HS6ST3: variants seen among roughly 807,000 people sequenced by gnomAD.
HS6ST3 encodes heparan sulfate 6-O-sulfotransferase 3, also known as heparan-sulfate 6-O-sulfotransferase 3.
In HS6ST3, 12 loss-of-function variants were observed where a neutral mutation model predicts 36.7. The ratio of observed to expected loss-of-function variants is 0.33; its 90% CI spans 0.21 to 0.53. The LOEUF is 0.53. HS6ST3 is among the 20% of genes least tolerant of loss of function. The pLI, the probability that HS6ST3 is intolerant of heterozygous loss-of-function variation, is 0.95. For synonymous variants in HS6ST3, 240 were observed against 257.5 expected, an observed-to-expected ratio of 0.93 and a Z score of 0.65; for missense variants, 584 against 640.9, an observed-to-expected ratio of 0.91 and a Z score of 0.96.
At chr13:96,342,583 G>C (rs948580274) in intron 1 of HS6ST3, among the ~76,000 whole-genome samples, 4 of 152,166 alleles carry the variant, frequency 2.6e-5, no homozygotes, top group African/African-American at 9.7e-5. Context: ...ATATTTTGAA[G>C]AATAGCTTCT....
chr13:96,090,329 G>A lies in HS6ST3; in HGVS notation c.-534G>A, dbSNP rs181704452. ...ACAGCCCCGCGACCTGCCGGCAAAG[G>A]CGCCGGGCGCGCGTGCCGGGCGCGG... On this transcript the variant is annotated 5_prime_UTR_variant, in exon 1 of 2. Transcript: ENST00000376705. Among the ~76,000 whole-genome samples the A allele has an allele frequency of 5.0e-3, 736 of 147,526 alleles. 1 individual carries two copies. The highest frequency in any genetic ancestry group is 0.013 in the Admixed American group (197 of 14,862).
chr13:96,619,164 T>C (rs1320109910), intron 1 of HS6ST3, among the ~76,000 whole-genome samples: 1 of 152,210 alleles, frequency 6.6e-6, no homozygotes, highest in Non-Finnish European at 1.5e-5. Context: ...TTGAAGTGTA[T>C]GAATGTAGAC....
chr13:96,271,654 A>G (rs1594739123), intron 1 of HS6ST3, among the ~76,000 whole-genome samples: 1 of 151,954 alleles, frequency 6.6e-6, no homozygotes, highest in East Asian at 1.9e-4. Context: ...CATGGATGCA[A>G]GTGCTTGGGA....
intron 1 of HS6ST3, among the ~76,000 whole-genome samples, chr13:96,133,497 A>G (rs1471423089): frequency 6.6e-6 from 1 of 152,058 alleles, no homozygotes; most frequent in African/African-American, 2.4e-5. Context: ...ATCTTGGCTC[A>G]CTGGAACCTC....
At chr13:96,681,740 C>T (rs938262457) in intron 1 of HS6ST3, among the ~76,000 whole-genome samples, 1 of 152,092 alleles carries the variant, frequency 6.6e-6, no homozygotes. Context: ...CCCACCTCCC[C>T]CTTTTCCCTG....
At chr13:96,440,387 A>C (rs1051453000) in intron 1 of HS6ST3, among the ~76,000 whole-genome samples, 1 of 142,286 alleles carries the variant, frequency 7.0e-6, no homozygotes, top group Admixed American at 7.2e-5. Context: ...AGGAGATTGC[A>C]GTGAGTCGAG....
At chr13:96,621,351 G>A (rs938449773) in intron 1 of HS6ST3, among the ~76,000 whole-genome samples, 2 of 152,126 alleles carry the variant, frequency 1.3e-5, no homozygotes, top group Non-Finnish European at 2.9e-5. Flanking sequence ...GAATTCTCAC[G>A]AGATCTGATG....
intron 1 of HS6ST3, among the ~76,000 whole-genome samples, chr13:96,692,573 T>C (rs906001418): frequency 1.3e-5 from 2 of 152,204 alleles, no homozygotes; most frequent in African/African-American, 4.8e-5. Context: ...TTCAGGGGGC[T>C]TGTGCAAAGC....
At chr13:96,729,034 G>A (rs1469243862) in intron 1 of HS6ST3, among the ~76,000 whole-genome samples, 1 of 152,182 alleles carries the variant, frequency 6.6e-6, no homozygotes, top group Non-Finnish European at 1.5e-5. Context: ...AATGCTAGAG[G>A]AGTAAGAACT....
intron 1 of HS6ST3, among the ~76,000 whole-genome samples, chr13:96,827,506 G>A (rs750481177): frequency 2.0e-5 from 3 of 152,156 alleles, no homozygotes; most frequent in Non-Finnish European, 4.4e-5. Context: ...ATGAGAATAT[G>A]TCTGTCTAAA....
chr13:96,504,650 A>G (rs1265264208), intron 1 of HS6ST3, among the ~76,000 whole-genome samples: 1 of 152,188 alleles, frequency 6.6e-6, no homozygotes, highest in Admixed American at 6.5e-5. Context: ...CCTTAGTGAC[A>G]TTTGGTGGCA....
chr13:96,152,376 C>CTGT (rs2054089903), intron 1 of HS6ST3, among the ~76,000 whole-genome samples: 1 of 142,530 alleles, frequency 7.0e-6, no homozygotes, highest in African/African-American at 2.7e-5. Flanking sequence ...CTCGCTCTGT[C>CTGT]CCCCAGGCTG....
At chr13:96,430,445 C>T (rs2055609146) in intron 1 of HS6ST3, among the ~76,000 whole-genome samples, 1 of 152,176 alleles carries the variant, frequency 6.6e-6, no homozygotes. Flanking sequence ...ATGATGCTAC[C>T]CTGGGCACTG....
chr13:96,260,985 C>T (rs562004190), intron 1 of HS6ST3, among the ~76,000 whole-genome samples: 1 of 152,176 alleles, frequency 6.6e-6, no homozygotes, highest in Admixed American at 6.5e-5. Flanking sequence ...CGTTAACCCC[C>T]TTTATAATGG....
chr13:96,210,886 A>G (rs1594717767), intron 1 of HS6ST3, among the ~76,000 whole-genome samples: 1 of 149,762 alleles, frequency 6.7e-6, no homozygotes. Flanking sequence ...GAGTCCCCAC[A>G]CCCAGCCAGT....
chr13:96,509,472 T>A (rs1218534054), intron 1 of HS6ST3, among the ~76,000 whole-genome samples: 5 of 152,198 alleles, frequency 3.3e-5, no homozygotes, highest in Non-Finnish European at 7.3e-5. Flanking sequence ...ATGTTTATAG[T>A]TTCACGTCTT....
chr13:96,740,934 G>T (rs1876421981), intron 1 of HS6ST3, among the ~76,000 whole-genome samples: 1 of 152,192 alleles, frequency 6.6e-6, no homozygotes, highest in Non-Finnish European at 1.5e-5. Context: ...ACAAGTGCCA[G>T]ATAGCAGCAC....
At chr13:96,480,182 C>T (rs1047285358) in intron 1 of HS6ST3, among the ~76,000 whole-genome samples, 8 of 152,148 alleles carry the variant, frequency 5.3e-5, no homozygotes, top group East Asian at 1.9e-4. Context: ...GGCATGATTT[C>T]GGCTCACTGC....
intron 1 of HS6ST3, among the ~76,000 whole-genome samples, chr13:96,768,671 G>T (rs546322389): frequency 6.6e-6 from 1 of 151,950 alleles, no homozygotes; most frequent in East Asian, 1.9e-4. Flanking sequence ...TCCCATGAGC[G>T]TGCCCTTCAT....
Sources: allele counts gnomAD v4.1 joint callset (sites outside exome capture counted in the v4.1 genomes callset), GRCh38; gene constraint gnomAD v4.1.1; transcripts MANE v1.5; gene names NCBI Gene and HGNC (gene_info 2026-07-23, HGNC 2026-07-21).